Variants in ERICH1 observed in about 807,000 individuals in gnomAD.
The protein encoded by ERICH1 is glutamate-rich protein 1.
A neutral mutation model predicts 39.6 loss-of-function variants in ERICH1; 56 were observed. The observed-to-expected ratio is 1.41, with a 90% CI of 1.14 to 1.77. The LOEUF (loss-of-function observed/expected upper bound fraction) is 1.77. Among genes scored for constraint, ERICH1 ranks in the 40% most tolerant of loss-of-function variants. The pLI is 0.00. For missense variants in ERICH1, 826 were observed against 575.4 expected, an observed-to-expected ratio of 1.44 and a Z score of -4.45; for synonymous variants, 313 against 223.6, an observed-to-expected ratio of 1.40 and a Z score of -3.57.
chr8:625,183 C>G (rs1274824150), intron 3 of ERICH1, among the ~76,000 whole-genome samples: 3 of 152,192 alleles, frequency 2.0e-5, no homozygotes, highest in African/African-American at 7.2e-5. Context: ...CGAATCCGAA[C>G]CATATCAGAG....
At chr8:632,321 A>G (rs1798092046) in intron 3 of ERICH1, among the ~76,000 whole-genome samples, 1 of 144,750 alleles carries the variant, frequency 6.9e-6, no homozygotes, top group African/African-American at 2.5e-5. Context: ...ATTTCTAATT[A>G]GCAGTAAAAA....
At chr8:713,292 C>T (rs536790840) in intron 2 of ERICH1, among the ~76,000 whole-genome samples, 168 of 152,326 alleles carry the variant, frequency 1.1e-3, no homozygotes, top group African/African-American at 3.7e-3. Flanking sequence ...GGCTGTGAGG[C>T]GGGGAGCGCA....
intron 1 of ERICH1, among the ~76,000 whole-genome samples, chr8:717,146 G>A (rs1816201087): frequency 6.6e-6 from 1 of 152,184 alleles, no homozygotes; most frequent in Non-Finnish European, 1.5e-5. Context: ...CAGAGAGTGA[G>A]CACAAAGCCT....
At chr8:717,810 C>T (rs1419515402) in intron 1 of ERICH1, among the ~76,000 whole-genome samples, 2 of 152,236 alleles carry the variant, frequency 1.3e-5, no homozygotes, top group Non-Finnish European at 1.5e-5. Flanking sequence ...GGAGAAATCC[C>T]AGGCCATGGT....
downstream of ERICH1, among the ~76,000 whole-genome samples, chr8:662,343 G>A (rs1001472348): frequency 3.9e-5 from 6 of 152,256 alleles, no homozygotes; most frequent in African/African-American, 4.8e-5. Flanking sequence ...TGCAAAGCAT[G>A]TGCTATTAAT....
chr8:677,741 C>G (rs1805181785), intron 3 of ERICH1, among the ~76,000 whole-genome samples: 1 of 152,174 alleles, frequency 6.6e-6, no homozygotes, highest in Non-Finnish European at 1.5e-5. Flanking sequence ...AATGTGACTG[C>G]CTTCATGAAT....
At chr8:629,601 G>C (rs1207519522) in intron 3 of ERICH1, among the ~76,000 whole-genome samples, 21 of 104,512 alleles carry the variant, frequency 2.0e-4, no homozygotes, top group African/African-American at 5.0e-4. Context: ...CAGAGACAGA[G>C]CTGACTCACA....
chr8:664,809 A>T, intron 5 of ERICH1, 133 bp from the exon 6 acceptor site: 2 of 634,980 alleles, frequency 3.1e-6, no homozygotes, highest in Non-Finnish European at 5.3e-6. Flanking sequence ...CAACTTTGGC[A>T]TGAAACTGAT....
At chr8:718,828 G>C (rs1816636097) in intron 1 of ERICH1, among the ~76,000 whole-genome samples, 2 of 152,188 alleles carry the variant, frequency 1.3e-5, no homozygotes, top group Admixed American at 6.5e-5. Context: ...TCCCCTGCAC[G>C]CCTGCTCAGG....
intron 3 of ERICH1, among the ~76,000 whole-genome samples, chr8:619,587 G>T (rs573847731): frequency 3.3e-5 from 5 of 152,118 alleles, no homozygotes; most frequent in Non-Finnish European, 5.9e-5. Context: ...TGGTAAATAA[G>T]GAGATTAATA....
chr8:626,369 C>T (rs1351394233), intron 3 of ERICH1: 1 of 152,158 alleles, frequency 6.6e-6, no homozygotes. Context: ...AAAGACCCTA[C>T]TTGTCTCCTG....
At chr8:674,519 G>C (rs1019608924) in intron 3 of ERICH1, among the ~76,000 whole-genome samples, 6 of 152,214 alleles carry the variant, frequency 3.9e-5, no homozygotes, top group African/African-American at 1.4e-4. Flanking sequence ...GGCCAGGGTT[G>C]TCTCAAACTC....
chr8:687,760 G>A (rs959463783), intron 3 of ERICH1, among the ~76,000 whole-genome samples: 2 of 152,134 alleles, frequency 1.3e-5, no homozygotes, highest in Admixed American at 1.3e-4. Context: ...CCAGGCCCGC[G>A]GGGCCCTAGC....
At chr8:658,712 G>C (rs1165400181) in intron 3 of ERICH1, among the ~76,000 whole-genome samples, 1 of 152,126 alleles carries the variant, frequency 6.6e-6, no homozygotes, top group Non-Finnish European at 1.5e-5. Context: ...AGATGCCCCT[G>C]GTACAAACAA....
At chr8:694,298 G>A (rs1236662112) in intron 2 of ERICH1, among the ~76,000 whole-genome samples, 3 of 152,204 alleles carry the variant, frequency 2.0e-5, no homozygotes, top group African/African-American at 7.2e-5. Context: ...AAGGGCAGAT[G>A]GAGATGGCTT....
intron 3 of ERICH1, among the ~76,000 whole-genome samples, chr8:690,392 T>C (rs925650834): frequency 2.6e-5 from 4 of 152,212 alleles, no homozygotes; most frequent in African/African-American, 7.2e-5. Context: ...CAGGCCCTAA[T>C]TGATATGGTC....
intron 2 of ERICH1, among the ~76,000 whole-genome samples, chr8:704,043 A>T (rs1812733908): frequency 6.6e-6 from 1 of 152,200 alleles, no homozygotes. Flanking sequence ...ATCGAGAATG[A>T]TGGCAACTGC....
chr8:658,461 T>G (rs1256600107), intron 3 of ERICH1, among the ~76,000 whole-genome samples: 1 of 152,198 alleles, frequency 6.6e-6, no homozygotes, highest in African/African-American at 2.4e-5. Flanking sequence ...CCTGGCACTG[T>G]GGGCCAAACC....
intron 3 of ERICH1, among the ~76,000 whole-genome samples, chr8:618,043 G>C (rs1797037387): frequency 6.7e-6 from 1 of 149,784 alleles, no homozygotes; most frequent in Non-Finnish European, 1.5e-5. Context: ...CCATATGAGT[G>C]CTCAATGCTC....
Sources: allele counts gnomAD v4.1 joint callset (sites outside exome capture counted in the v4.1 genomes callset), GRCh38; gene constraint gnomAD v4.1.1; transcripts MANE v1.5; gene names NCBI Gene and HGNC (gene_info 2026-07-23, HGNC 2026-07-21).